ZNF892: variants seen among roughly 807,000 people sequenced by gnomAD.
ZNF892 encodes zinc finger protein 892, also known as zinc finger protein 570-like.
At chr2:95,257,124 A>G in the ZNF892 span, among the ~76,000 whole-genome samples, 3 of 152,200 alleles carry the variant, frequency 2.0e-5, no homozygotes, top group Non-Finnish European at 4.4e-5. Context: ...GAGGGGCTGC[A>G]TTCCTTTGGA....
chr2:95,234,482 C>T, the ZNF892 span, among the ~76,000 whole-genome samples: 5 of 152,172 alleles, frequency 3.3e-5, no homozygotes, highest in South Asian at 6.2e-4. Flanking sequence ...TCTGGACGGA[C>T]GGGCCTGGCA....
chr2:95,262,547 C>T, the ZNF892 span, among the ~76,000 whole-genome samples: 1 of 152,220 alleles, frequency 6.6e-6, no homozygotes, highest in Non-Finnish European at 1.5e-5. Context: ...GATACACCTC[C>T]TCTCAGCCAT....
chr2:95,262,424 C>T, the ZNF892 span, among the ~76,000 whole-genome samples: 1 of 152,164 alleles, frequency 6.6e-6, no homozygotes, highest in East Asian at 1.9e-4. Context: ...TGTTTCCCAC[C>T]CTACCTGTAG....
chr2:95,244,626 A>C, the ZNF892 span, among the ~76,000 whole-genome samples: 1 of 152,200 alleles, frequency 6.6e-6, no homozygotes, highest in Non-Finnish European at 1.5e-5. Context: ...TATTAGACAG[A>C]TCATTGAGAC....
the ZNF892 span, among the ~76,000 whole-genome samples, chr2:95,240,077 T>C: frequency 6.6e-6 from 1 of 152,054 alleles, no homozygotes; most frequent in Non-Finnish European, 1.5e-5. Flanking sequence ...TTTAAGATCT[T>C]CCAGGGGTTC....
chr2:95,239,390 T>A, the ZNF892 span, among the ~76,000 whole-genome samples: 1 of 152,168 alleles, frequency 6.6e-6, no homozygotes, highest in Non-Finnish European at 1.5e-5. Flanking sequence ...GGGACTCCAA[T>A]TTTGAATGAA....
chr2:95,243,413 C>G, the ZNF892 span, among the ~76,000 whole-genome samples: 2 of 151,810 alleles, frequency 1.3e-5, no homozygotes, highest in African/African-American at 4.8e-5. Context: ...AGGAGCGCCT[C>G]TTCCCGGCCG....
chr2:95,255,805 G>A, the ZNF892 span, among the ~76,000 whole-genome samples: 26 of 152,298 alleles, frequency 1.7e-4, 3 homozygotes, highest in East Asian at 1.7e-3. Flanking sequence ...AGCTCTTCTT[G>A]TTGAATTGAT....
the ZNF892 span, among the ~76,000 whole-genome samples, chr2:95,208,918 C>T: frequency 2.6e-5 from 4 of 152,316 alleles, no homozygotes; most frequent in African/African-American, 9.6e-5. Flanking sequence ...CCCAGCGTTG[C>T]TTTCTCTCTG....
chr2:95,262,038 C>G, the ZNF892 span, among the ~76,000 whole-genome samples: 4 of 152,232 alleles, frequency 2.6e-5, no homozygotes, highest in Non-Finnish European at 5.9e-5. Flanking sequence ...ATTTCGTTTA[C>G]GCTTGACAAG....
chr2:95,214,513 C>T, the ZNF892 span: 1 of 398,532 alleles, frequency 2.5e-6, no homozygotes, highest in Non-Finnish European at 4.4e-6. Flanking sequence ...GAGGCTGTCA[C>T]TGAGAAATCT....
the ZNF892 span, among the ~76,000 whole-genome samples, chr2:95,250,183 A>ATGT: frequency 6.6e-6 from 1 of 152,104 alleles, no homozygotes. Flanking sequence ...CAGTTGGCAT[A>ATGT]TGTCAAGCAA....
chr2:95,225,491 C>T, the ZNF892 span, among the ~76,000 whole-genome samples: 2 of 152,214 alleles, frequency 1.3e-5, no homozygotes, highest in Non-Finnish European at 2.9e-5. Context: ...TGTAATGGCA[C>T]CAGTTGCACC....
chr2:95,250,560 ATTAT>A, the ZNF892 span, among the ~76,000 whole-genome samples: 14 of 146,560 alleles, frequency 9.6e-5, no homozygotes, highest in African/African-American at 3.0e-4. Flanking sequence ...ATAGTCATAA[ATTAT>A]TTATAAATTT....
At chr2:95,209,556 G>T in the ZNF892 span, among the ~76,000 whole-genome samples, 1 of 152,198 alleles carries the variant, frequency 6.6e-6, no homozygotes, top group Non-Finnish European at 1.5e-5. Flanking sequence ...TGGTTCAGGT[G>T]CTGGGACTCT....
At chr2:95,212,137 C>T in the ZNF892 span, 2 of 398,052 alleles carry the variant, frequency 5.0e-6, no homozygotes, top group Non-Finnish European at 4.4e-6. Flanking sequence ...TTCCTAAAGA[C>T]CAGGGAATGA....
chr2:95,241,283 A>G, the ZNF892 span, among the ~76,000 whole-genome samples: 1 of 152,236 alleles, frequency 6.6e-6, no homozygotes, highest in Non-Finnish European at 1.5e-5. Context: ...TTCCAGAGTA[A>G]AGAGCAGGCT....
chr2:95,247,208 C>T, the ZNF892 span, among the ~76,000 whole-genome samples: 4 of 152,140 alleles, frequency 2.6e-5, no homozygotes, highest in Admixed American at 2.6e-4. Flanking sequence ...AAGTTGCATA[C>T]CTACAGCCAT....
chr2:95,219,165 A>AT, the ZNF892 span, among the ~76,000 whole-genome samples: 291 of 143,618 alleles, frequency 2.0e-3, no homozygotes, highest in African/African-American at 3.5e-3. Flanking sequence ...TGCCCGGCTA[A>AT]TTTTTTTTTT....
Sources: allele counts gnomAD v4.1 joint callset (sites outside exome capture counted in the v4.1 genomes callset), GRCh38; gene constraint gnomAD v4.1.1; transcripts MANE v1.5; gene names NCBI Gene and HGNC (gene_info 2026-07-23, HGNC 2026-07-21).